The following OPCML variants were observed in gnomAD, a reference collection of about 807,000 sequenced individuals.
The protein encoded by OPCML is opioid-binding protein/cell adhesion molecule.
Under a neutral mutation model 37.8 loss-of-function variants are expected in OPCML, and 13 were observed. The ratio of observed to expected loss-of-function variants is 0.34; its 90% CI spans 0.22 to 0.55. The LOEUF (loss-of-function observed/expected upper bound fraction) is 0.55, where lower values mean the gene tolerates loss of function less well. Among genes scored for constraint, OPCML ranks in the 20% least tolerant of loss-of-function variants. The probability of loss-of-function intolerance (pLI) is 0.91; values close to 1 mark genes in which losing one functional copy is unlikely to be tolerated. For missense variants in OPCML, 341 were observed against 435.6 expected (o/e 0.78, Z 1.93); for synonymous variants, 176 against 168.8 (o/e 1.04, Z -0.33).
chr11:132,483,420 T>C (rs977501760), intron 4 of OPCML, among the ~76,000 whole-genome samples: 4 of 152,006 alleles, frequency 2.6e-5, no homozygotes, highest in African/African-American at 9.7e-5. Flanking sequence ...TCAAAGAGGA[T>C]ACAAACAAAT....
At chr11:132,932,499 T>C (rs1945241056) in intron 2 of OPCML, among the ~76,000 whole-genome samples, 1 of 151,916 alleles carries the variant, frequency 6.6e-6, no homozygotes, top group East Asian at 1.9e-4. Flanking sequence ...CCCTCTCTCT[T>C]CCTCCATCCC....
At chr11:132,681,092 G>A (rs1250883426) in intron 2 of OPCML, among the ~76,000 whole-genome samples, 1 of 152,140 alleles carries the variant, frequency 6.6e-6, no homozygotes, top group Admixed American at 6.5e-5. Context: ...AGGCCACATG[G>A]TTGTCCCTCA....
chr11:133,435,026 AT>A (rs1037616235), intron 1 of OPCML, among the ~76,000 whole-genome samples: 17 of 151,910 alleles, frequency 1.1e-4, no homozygotes, highest in African/African-American at 3.9e-4. Context: ...TAGTGCAAAA[AT>A]TGTTCAAGTG....
At position 132,892,781 on chromosome 11, in the gene OPCML, T is replaced by C. The variant is rs1943702169; in HGVS notation, c.146+50145A>G. On this transcript the variant is annotated intron_variant, in intron 2 of 7. Coordinates refer to ENST00000524381, the MANE Select transcript of OPCML (RefSeq NM_001012393.5). The stretch of plus-strand genomic sequence containing the variant: ...AGACTCCATCTCAAAAGTAAAGTAT[T>C]CTTTCCAATAATATGTGTGACTGTT... Among the ~76,000 whole-genome samples, 3 of 151,726 alleles carry C rather than the reference T, an allele frequency of 2.0e-5. No homozygotes were observed. In the South Asian group the frequency reaches 6.2e-4, roughly 32 times the overall value.
chr11:132,477,673 C>T lies in OPCML; in HGVS notation c.506-40314G>A, dbSNP rs374281639. 1.9e-4 allele frequency among the ~76,000 whole-genome samples: 29 copies of T among 152,268 alleles called. No individual in the cohort carries two copies. In the South Asian group the frequency reaches 5.2e-3, roughly 27 times the overall value. ...AAGTTCAAGACAGAAGCAAATTCAT[C>T]GGGAATGAACATATGTTTTTCTGGA... On this transcript the variant is annotated intron_variant, in intron 4 of 7. Transcript: ENST00000524381.
At chr11:133,400,910 A>C (rs1945389258) in intron 1 of OPCML, among the ~76,000 whole-genome samples, 2 of 152,214 alleles carry the variant, frequency 1.3e-5, no homozygotes, top group African/African-American at 4.8e-5. Flanking sequence ...CAATCAAAGA[A>C]AAAATAAACC....
intron 4 of OPCML, among the ~76,000 whole-genome samples, chr11:132,490,554 A>G (rs1226728452): frequency 6.6e-6 from 1 of 152,016 alleles, no homozygotes; most frequent in Non-Finnish European, 1.5e-5. Flanking sequence ...CTTTGCTTTG[A>G]AATGAAGAAC....
intron 7 of OPCML, among the ~76,000 whole-genome samples, chr11:132,435,411 T>G (rs747678902): frequency 1.3e-5 from 2 of 152,210 alleles, no homozygotes; most frequent in African/African-American, 4.8e-5. Flanking sequence ...CAAATACATA[T>G]GCACATACAG....
intron 4 of OPCML, among the ~76,000 whole-genome samples, chr11:132,488,447 G>A (rs1451920661): frequency 6.6e-6 from 1 of 152,066 alleles, no homozygotes; most frequent in Non-Finnish European, 1.5e-5. Flanking sequence ...TTGCTCCTAG[G>A]GTACAAATCT....
chr11:133,508,386 A>C (rs996695269), intron 1 of OPCML, among the ~76,000 whole-genome samples: 1 of 152,230 alleles, frequency 6.6e-6, no homozygotes, highest in African/African-American at 2.4e-5. Context: ...CTGGATGTCA[A>C]TGTCTTCTTT....
intron 1 of OPCML, among the ~76,000 whole-genome samples, chr11:133,416,618 G>GTC (rs962440065): frequency 1.4e-4 from 22 of 152,164 alleles, no homozygotes; most frequent in African/African-American, 4.3e-4. Flanking sequence ...AAGGATAGCT[G>GTC]TCTCTCTCTC....
intron 1 of OPCML, among the ~76,000 whole-genome samples, chr11:133,416,783 T>C (rs997488034): frequency 6.6e-6 from 1 of 152,106 alleles, no homozygotes; most frequent in Non-Finnish European, 1.5e-5. Context: ...AGAGAGTGCC[T>C]TTTGTTATTC....
chr11:132,882,131 G>A (rs1565934299), intron 2 of OPCML, among the ~76,000 whole-genome samples: 1 of 152,056 alleles, frequency 6.6e-6, no homozygotes, highest in Non-Finnish European at 1.5e-5. Flanking sequence ...AGGAGGGGGA[G>A]GGTAAGAAAA....
chr11:133,383,159 C>T (rs1057195297), intron 1 of OPCML, among the ~76,000 whole-genome samples: 12 of 152,124 alleles, frequency 7.9e-5, no homozygotes, highest in Admixed American at 6.5e-4. Flanking sequence ...ACAGGTCTCA[C>T]GCCTCATCAA....
chr11:133,042,187 G>A (rs147365167), intron 1 of OPCML, among the ~76,000 whole-genome samples: 57 of 152,292 alleles, frequency 3.7e-4, no homozygotes, highest in African/African-American at 1.2e-3. Context: ...CAGCTGCAGC[G>A]TTCAAGGAAT....
At chr11:132,446,313 A>G (rs536126435) in intron 4 of OPCML, among the ~76,000 whole-genome samples, 2 of 140,934 alleles carry the variant, frequency 1.4e-5, no homozygotes, top group African/African-American at 5.1e-5. Flanking sequence ...GGAAGAGAGG[A>G]GCTAGACAGA....
intron 2 of OPCML, among the ~76,000 whole-genome samples, chr11:132,775,750 C>A (rs898314075): frequency 6.6e-6 from 1 of 152,212 alleles, no homozygotes; most frequent in African/African-American, 2.4e-5. Context: ...AGCTCCTCAG[C>A]CTCTTTCAAA....
chr11:133,417,993 G>A (rs1285400610), intron 1 of OPCML: 11 of 843,772 alleles, frequency 1.3e-5, no homozygotes, highest in Middle Eastern at 6.1e-4. Flanking sequence ...TGTTCCTTGC[G>A]AGACGTAGGC....
chr11:132,933,567 G>C (rs1473974108), intron 2 of OPCML, among the ~76,000 whole-genome samples: 1 of 146,240 alleles, frequency 6.8e-6, no homozygotes, highest in Non-Finnish European at 1.5e-5. Context: ...TTAGAAAAGG[G>C]AGATGTGTGT....
Sources: gnomAD v4.1 joint callset for allele counts (sites outside exome capture counted in the v4.1 genomes callset) on GRCh38, gnomAD v4.1.1 for gene constraint, MANE v1.5 for transcripts, NCBI Gene and HGNC (gene_info 2026-07-23, HGNC 2026-07-21) for gene names.